Variants in PURA observed in about 807,000 individuals in gnomAD.
PURA encodes purine rich element binding protein A, also known as transcriptional activator protein Pur-alpha.
PURA carries 2 observed loss-of-function variants against 23.1 expected under a neutral mutation model. The ratio of observed to expected loss-of-function variants is 0.09; its 90% CI spans 0.04 to 0.27. The LOEUF (loss-of-function observed/expected upper bound fraction) is 0.27, where lower values mean the gene tolerates loss of function less well. PURA is among the 10% of genes least tolerant of loss of function. The pLI is 1.00. For synonymous variants in PURA, 254 were observed against 205.9 expected (o/e 1.23, Z -2.00); for missense variants, 187 against 449.7 (o/e 0.42, Z 5.28).
rs1451079589 is a variant in PURA, at chr5:140,121,647, G to C, written c.*6497G>C. On this transcript the variant is annotated 3_prime_UTR_variant, in exon 1 of 1. Coordinates refer to ENST00000331327, the MANE Select transcript of PURA (RefSeq NM_005859.5). ...TTTCTGACTCCTGCCTTAGAACATA[G>C]CTAACTGATGATCCAGAACAATTTC... is the stretch of plus-strand genomic sequence containing the variant. 1.2e-5 allele frequency: 2 copies of C among 166,878 alleles called. No homozygotes were observed. Among genetic ancestry groups the C allele is most frequent in the African/African-American group, 2.4e-5 (1 of 41,406 alleles). The allele number at this position is 166,878 out of a possible 1,614,324, so 10.3% of individuals were successfully genotyped here. A position where few individuals can be genotyped will look rare whatever the true frequency, so the allele number is the denominator to read the frequency against.
Position 140,120,366 on chromosome 5 carries a change from G to A in PURA, c.*5216G>A, listed in dbSNP as rs1763137629. ...AAGTTATTTGTGTAGATTTGTTAAA[G>A]TGTATCAATTTTTAAATCACAATAT... On this transcript the variant is annotated 3_prime_UTR_variant, in exon 1 of 1. Coordinates refer to ENST00000331327, the MANE Select transcript of PURA (RefSeq NM_005859.5). 1 of 166,156 alleles carries A rather than the reference G, an allele frequency of 6.0e-6. No homozygotes were observed. Among genetic ancestry groups the A allele is most frequent in the Non-Finnish European group, 1.5e-5 (1 of 67,720 alleles). 10.3% of individuals were successfully genotyped at this position (166,156 alleles called of 1,614,324 possible).
chr5:140,123,194 T>G lies in PURA; in HGVS notation c.*8044T>G, dbSNP rs968990733. 4 of 166,920 alleles carry G rather than the reference T, an allele frequency of 2.4e-5. No homozygotes were observed. The highest frequency in any genetic ancestry group is 4.4e-5 in the Non-Finnish European group (3 of 68,016). 10.3% of individuals were successfully genotyped at this position (166,920 alleles called of 1,614,324 possible). ...CTTAAATAGCCCCTCCCTTAGAAAT[T>G]TGTTTAAAAAGAAGTGAATTCCCAA... On this transcript the variant is annotated 3_prime_UTR_variant, in exon 1 of 1. Coordinates refer to ENST00000331327, the MANE Select transcript of PURA (RefSeq NM_005859.5).
In PURA at chr5:140,121,534, TTTTTC is replaced by T. The variant is rs1172485150; in HGVS notation, c.*6388_*6392del. ...ATCTGGCATCTTCTCTCTCCTATCC[TTTTTC>T]TTTGTTTCTCTCTCCACTTTTACTC... On this transcript the variant is annotated 3_prime_UTR_variant, in exon 1 of 1. Transcript: ENST00000331327. The T allele has an allele frequency of 6.0e-6, 1 of 166,778 alleles. No homozygotes were observed. The highest frequency in any genetic ancestry group is 1.5e-5 in the Non-Finnish European group (1 of 67,966). The allele number at this position is 166,778 out of a possible 1,614,324, so 10.3% of individuals were successfully genotyped here. A position where few individuals can be genotyped will look rare whatever the true frequency, so the allele number is the denominator to read the frequency against.
Position 140,115,069 on chromosome 5 carries a change from C to T in PURA, c.888C>T (p.His296=). The change falls in exon 1 of 1, where the codon CAC becomes CAT. Residue 296 remains histidine (H), a synonymous_variant. Coordinates refer to ENST00000331327, the MANE Select transcript of PURA (RefSeq NM_005859.5). The surrounding 1 kb of genome is among the most constrained non-coding windows in gnomAD (Gnocchi z 4.1). ...REKRAACEQL[H]QQQQQQQEET... ...AGCGGGCTGCCTGTGAGCAGCTTCA[C>T]CAGCAGCAACAGCAGCAGCAGGAGG... The T allele has an allele frequency of 6.2e-7, 1 of 1,613,686 alleles. No homozygotes were observed. The highest frequency in any genetic ancestry group is 8.5e-7 in the Non-Finnish European group (1 of 1,179,906).
In PURA at chr5:140,117,178, A is replaced by T. The variant is rs1315105803; in HGVS notation, c.*2028A>T. 1.2e-5 allele frequency: 2 copies of T among 167,096 alleles called. No individual in the cohort carries two copies. Among genetic ancestry groups the T allele is most frequent in the Non-Finnish European group, 2.9e-5 (2 of 68,110 alleles). 10.4% of individuals were successfully genotyped at this position (167,096 alleles called of 1,614,324 possible). ...GTTTGCTTTTAATATTCAATGTTAAATATGAGGTGACCGTACAGTAGTTAG... is the reference window on the plus strand; with the variant it reads ...GTTTGCTTTTAATATTCAATGTTAATTATGAGGTGACCGTACAGTAGTTAG... On this transcript the variant is annotated 3_prime_UTR_variant, in exon 1 of 1. Transcript: ENST00000331327.
At position 140,115,213 on chromosome 5, in the gene PURA, A is replaced by T. The variant is rs1407326113; in HGVS notation, c.*63A>T. 6.0e-6 allele frequency: 6 copies of T among 1,000,634 alleles called. No homozygotes were observed. Among genetic ancestry groups the T allele is most frequent in the Non-Finnish European group, 8.5e-6 (6 of 704,434 alleles). 62.0% of individuals were successfully genotyped at this position (1,000,634 alleles called of 1,614,324 possible). A position where few individuals can be genotyped will look rare whatever the true frequency, so the allele number is the denominator to read the frequency against. On this transcript the variant is annotated 3_prime_UTR_variant, in exon 1 of 1. Coordinates refer to ENST00000331327, the MANE Select transcript of PURA (RefSeq NM_005859.5). The surrounding 1 kb of genome is among the most constrained non-coding windows in gnomAD (Gnocchi z 4.1). ...TACACACACACACACAGCCACACAC[A>T]CAGAAAATATACTGTAAAGAAAGAG...
Position 140,114,955 on chromosome 5 carries a change from C to A in PURA, c.774C>A (p.Thr258=), listed in dbSNP as rs558046287. ...EVKPTYRNSI[T]VPYKVWAKFG... Reference sequence around the variant, plus strand: ...AGCCCACCTATCGCAACTCCATCACCGTGCCCTACAAGGTGTGGGCCAAGT... The same window carrying A: ...AGCCCACCTATCGCAACTCCATCACAGTGCCCTACAAGGTGTGGGCCAAGT... The change falls in exon 1 of 1, where the codon ACC becomes ACA. Residue 258 remains threonine, a synonymous_variant. Coordinates refer to ENST00000331327, the MANE Select transcript of PURA (RefSeq NM_005859.5). 1.5e-5 allele frequency: 24 copies of A among 1,614,218 alleles called. No homozygotes were observed. The South Asian group carries it at 2.4e-4, about 16-fold the overall frequency.
rs756194966 is a variant in PURA, at chr5:140,114,298, CGGCGGCGGCAGT to C, written c.127_138del (p.Ser43_Gly46del). The C allele has an allele frequency of 4.0e-5, 50 of 1,242,782 alleles. No homozygotes were observed. The highest frequency in any genetic ancestry group is 6.8e-5 in the South Asian group (2 of 29,272). The allele number at this position is 1,242,782 out of a possible 1,614,324, so 77.0% of individuals were successfully genotyped here. On this transcript the variant is annotated inframe_deletion, in exon 1 of 1. Coordinates refer to ENST00000331327, the MANE Select transcript of PURA (RefSeq NM_005859.5). ...GCGGGGGCGGTGGTGGCGGCGGGGG[CGGCGGCGGCAGT>C]GGCGGCGGCGGCGGCGGGGCCCCAG... is the stretch of plus-strand genomic sequence containing the variant.
rs556262108 is a variant in PURA at position 140,120,957 on chromosome 5, CATG to C, written c.*5808_*5810del. 1.4e-4 allele frequency: 24 copies of C among 166,958 alleles called. No homozygotes were observed. Among genetic ancestry groups the C allele is most frequent in the African/African-American group, 9.6e-5 (4 of 41,520 alleles). 10.3% of individuals were successfully genotyped at this position (166,958 alleles called of 1,614,324 possible). A position where few individuals can be genotyped will look rare whatever the true frequency, so the allele number is the denominator to read the frequency against. ...AGATTGTCCTGTTGATAGGCAGAAA[CATG>C]GTGGTGATCCTCTATGTAAAATATA... On this transcript the variant is annotated 3_prime_UTR_variant, in exon 1 of 1. Transcript: ENST00000331327.
chr5:140,115,996 T>C lies in PURA; in HGVS notation c.*846T>C, dbSNP rs566807281. 85 of 167,242 alleles carry C rather than the reference T, an allele frequency of 5.1e-4. No homozygotes were observed. The highest frequency in any genetic ancestry group is 2.0e-3 in the African/African-American group (83 of 41,590). The allele number at this position is 167,242 out of a possible 1,614,324, so 10.4% of individuals were successfully genotyped here. On this transcript the variant is annotated 3_prime_UTR_variant, in exon 1 of 1. Coordinates refer to ENST00000331327, the MANE Select transcript of PURA (RefSeq NM_005859.5). The surrounding 1 kb of genome is among the most constrained non-coding windows in gnomAD (Gnocchi z 4.1). ...GAAATTTGCTAAGTTGTGATTTTTA[T>C]GGTTGGAACCAAAGTTATTCAAATA...
chr5:140,115,197 A>G lies in PURA; in HGVS notation c.*47A>G, dbSNP rs763365149. ...CACACACACACATGCATACACACAC[A>G]CACACAGCCACACACACAGAAAATA... On this transcript the variant is annotated 3_prime_UTR_variant, in exon 1 of 1. Transcript: ENST00000331327. The surrounding 1 kb of genome is among the most constrained non-coding windows in gnomAD (Gnocchi z 4.1). 1 of 1,014,490 alleles carries G rather than the reference A, an allele frequency of 9.9e-7. No individual in the cohort carries two copies. The highest frequency in any genetic ancestry group is 1.4e-6 in the Non-Finnish European group (1 of 709,458). 62.8% of individuals were successfully genotyped at this position (1,014,490 alleles called of 1,614,324 possible). A position where few individuals can be genotyped will look rare whatever the true frequency, so the allele number is the denominator to read the frequency against.
Position 140,119,033 on chromosome 5 carries a change from AGT to A in PURA, c.*3886_*3887del, listed in dbSNP as rs1763121040. ...TTCAAACTATGCAAATTATTAAATAAGTGTAAATTAGGATTCAATTAAAGATA... is the reference window on the plus strand; with the variant it reads ...TTCAAACTATGCAAATTATTAAATAAGTAAATTAGGATTCAATTAAAGATA... On this transcript the variant is annotated 3_prime_UTR_variant, in exon 1 of 1. Transcript: ENST00000331327. 6.0e-6 allele frequency: 1 copy of A among 166,950 alleles called. No homozygotes were observed. 10.3% of individuals were successfully genotyped at this position (166,950 alleles called of 1,614,324 possible).
rs1226853516 is a variant in PURA at position 140,125,006 on chromosome 5, T to C, written c.*9856T>C. On this transcript the variant is annotated 3_prime_UTR_variant, in exon 1 of 1. Coordinates refer to ENST00000331327, the MANE Select transcript of PURA (RefSeq NM_005859.5). ...TGGCCTTTTTCGAGGCCATTTTTAG[T>C]TTTCTGCCCCCATTTCCCAGTCCTG... is the stretch of plus-strand genomic sequence containing the variant. The C allele has an allele frequency of 1.2e-5, 2 of 167,016 alleles. No individual in the cohort carries two copies. Among genetic ancestry groups the C allele is most frequent in the African/African-American group, 4.8e-5 (2 of 41,430 alleles). 10.3% of individuals were successfully genotyped at this position (167,016 alleles called of 1,614,324 possible). A position where few individuals can be genotyped will look rare whatever the true frequency, so the allele number is the denominator to read the frequency against.
chr5:140,121,623 T>G lies in PURA; in HGVS notation c.*6473T>G, dbSNP rs1030632683. The G allele has an allele frequency of 6.0e-6, 1 of 166,914 alleles. No individual in the cohort carries two copies. The highest frequency in any genetic ancestry group is 2.4e-5 in the African/African-American group (1 of 41,420). The allele number at this position is 166,914 out of a possible 1,614,324, so 10.3% of individuals were successfully genotyped here. On this transcript the variant is annotated 3_prime_UTR_variant, in exon 1 of 1. Coordinates refer to ENST00000331327, the MANE Select transcript of PURA (RefSeq NM_005859.5). ...CTTCTTCAGAGAGAAGTAAAGAAAT[T>G]TCTGACTCCTGCCTTAGAACATAGC...
rs574050232 is a variant in PURA, at chr5:140,115,169, C to CCACA, written c.*30_*33dup. 4.4e-6 allele frequency: 6 copies of CCACA among 1,376,168 alleles called. No individual in the cohort carries two copies. The Admixed American group carries it at 9.6e-5, about 22-fold the overall frequency. The allele number at this position is 1,376,168 out of a possible 1,614,324, so 85.2% of individuals were successfully genotyped here. A position where few individuals can be genotyped will look rare whatever the true frequency, so the allele number is the denominator to read the frequency against. On this transcript the variant is annotated 3_prime_UTR_variant, in exon 1 of 1. Transcript: ENST00000331327. This position sits in a 1 kb window ranked among gnomAD's most constrained non-coding sequence, Gnocchi z 4.1. Reference sequence around the variant, plus strand: ...AGATTGATCAAACTGAATGAAACCCCCACACACACACACATGCATACACAC... The same window carrying CCACA: ...AGATTGATCAAACTGAATGAAACCCCCACACACACACACACACATGCATACACAC...
Position 140,116,544 on chromosome 5 carries a change from G to A in PURA, c.*1394G>A, listed in dbSNP as rs1234689963. 6.0e-6 allele frequency: 1 copy of A among 166,890 alleles called. No individual in the cohort carries two copies. Among genetic ancestry groups the A allele is most frequent in the Non-Finnish European group, 1.5e-5 (1 of 68,070 alleles). The allele number at this position is 166,890 out of a possible 1,614,324, so 10.3% of individuals were successfully genotyped here. A position where few individuals can be genotyped will look rare whatever the true frequency, so the allele number is the denominator to read the frequency against. ...TATAACTCATATATTCAAGGTGTAG[G>A]GTATGAAAATGCAAAGTTTAGGAGA... On this transcript the variant is annotated 3_prime_UTR_variant, in exon 1 of 1. Transcript: ENST00000331327.
rs1192949679 is a variant in PURA at position 140,119,951 on chromosome 5, C to G, written c.*4801C>G. 6.0e-6 allele frequency: 1 copy of G among 166,534 alleles called. No individual in the cohort carries two copies. Among genetic ancestry groups the G allele is most frequent in the East Asian group, 1.9e-4 (1 of 5,188 alleles). The allele number at this position is 166,534 out of a possible 1,614,324, so 10.3% of individuals were successfully genotyped here. A position where few individuals can be genotyped will look rare whatever the true frequency, so the allele number is the denominator to read the frequency against. ...TAGTAGCTTTCATAGCTCCACAATTCATTTTATTTTACATGTGAACATAAT... is the reference window on the plus strand; with the variant it reads ...TAGTAGCTTTCATAGCTCCACAATTGATTTTATTTTACATGTGAACATAAT... On this transcript the variant is annotated 3_prime_UTR_variant, in exon 1 of 1. Coordinates refer to ENST00000331327, the MANE Select transcript of PURA (RefSeq NM_005859.5).
rs772449984 is a variant in PURA, at chr5:140,115,165, A to AC, written c.*20dup. 5 of 1,426,086 alleles carry AC rather than the reference A, an allele frequency of 3.5e-6. No homozygotes were observed. The highest frequency in any genetic ancestry group is 9.4e-7 in the Non-Finnish European group (1 of 1,058,388). 88.3% of individuals were successfully genotyped at this position (1,426,086 alleles called of 1,614,324 possible). On this transcript the variant is annotated 3_prime_UTR_variant, in exon 1 of 1. Coordinates refer to ENST00000331327, the MANE Select transcript of PURA (RefSeq NM_005859.5). This position sits in a 1 kb window ranked among gnomAD's most constrained non-coding sequence, Gnocchi z 4.1. ...AAGAAGATTGATCAAACTGAATGAA[A>AC]CCCCCACACACACACACATGCATAC...
rs1009767833 is a variant in PURA, at chr5:140,117,318, G to A, written c.*2168G>A. 1.2e-5 allele frequency: 2 copies of A among 166,848 alleles called. No homozygotes were observed. The highest frequency in any genetic ancestry group is 2.9e-5 in the Non-Finnish European group (2 of 68,078). 10.3% of individuals were successfully genotyped at this position (166,848 alleles called of 1,614,324 possible). ...GTTGAGCTTTTACAGTGCATAATGT[G>A]ACATTTGGAATGCTTATCAACTGCA... On this transcript the variant is annotated 3_prime_UTR_variant, in exon 1 of 1. Transcript: ENST00000331327.
Sources: allele counts gnomAD v4.1 joint callset, GRCh38; gene constraint gnomAD v4.1.1; non-coding constraint Gnocchi (gnomAD v3.1); transcripts MANE v1.5; gene names NCBI Gene and HGNC (gene_info 2026-07-23, HGNC 2026-07-21).